DCAF4: variants seen among roughly 807,000 people sequenced by gnomAD.
The protein encoded by DCAF4 is DDB1- and CUL4-associated factor 4.
In DCAF4, 37 loss-of-function variants were observed where a neutral mutation model predicts 60.9. The observed-to-expected ratio is 0.61, with a 90% confidence interval of 0.47 to 0.80. DCAF4 has a LOEUF of 0.80. Ranked by LOEUF, DCAF4 falls within the 30% of genes least tolerant of loss-of-function variation. The pLI is 0.00. For missense variants in DCAF4, 577 were observed against 650.0 expected (o/e 0.89, Z 1.22); for synonymous variants, 243 against 254.8 (o/e 0.95, Z 0.44).
Position 72,937,955 on chromosome 14 carries a change from T to C in DCAF4, c.-8-16T>C, listed in dbSNP as rs190041374. On this transcript the variant is annotated splice_polypyrimidine_tract_variant and intron_variant, in intron 1 of 13. Transcript: ENST00000358377. Reference sequence around the variant, plus strand: ...ACACACAGAGATGTATGGATTTTTTTGTTTTTCTCTTTTAGGAACAGAAAT... The same window carrying C: ...ACACACAGAGATGTATGGATTTTTTCGTTTTTCTCTTTTAGGAACAGAAAT... 175 of 1,577,188 alleles carry C rather than the reference T, an allele frequency of 1.1e-4. No individual in the cohort carries two copies. Among genetic ancestry groups the C allele is most frequent in the Admixed American group, 1.0e-3 (51 of 50,364 alleles).
chr14:72,954,474 T>G lies in DCAF4; in HGVS notation c.996T>G (p.Phe332Leu). 1.2e-6 allele frequency: 2 copies of G among 1,614,214 alleles called. No homozygotes were observed. Among genetic ancestry groups the G allele is most frequent in the South Asian group, 2.2e-5 (2 of 91,084 alleles). The stretch of plus-strand genomic sequence containing the variant: ...ACAGTGATGTCTTGGCCCAGCAGTT[T>G]GCTCTCATGGTTGGTTGGATTGGGA... ...GTNSDVLAQQ[F>L]ALMAPLLFNG... The change falls in exon 11 of 14, where the codon TTT (phenylalanine) becomes TTG (leucine). Residue 332 changes from phenylalanine (F) to leucine (L), a missense_variant. Transcript: ENST00000358377.
chr14:72,961,895 T>G, downstream of DCAF4: 1 of 1,128,802 alleles, frequency 8.9e-7, no homozygotes, highest in Non-Finnish European at 1.1e-6. Context: ...GATGTCAAAC[T>G]GGTCAGTGGG....
chr14:72,958,914 T>TC lies in DCAF4; in HGVS notation c.*112dup, dbSNP rs1263243792. The stretch of plus-strand genomic sequence containing the variant: ...TTAAGTGACACTCAGTGTACACAGA[T>TC]CCCATCCTCTGGCTGCTAGGAGAGA... On this transcript the variant is annotated 3_prime_UTR_variant, in exon 14 of 14. Coordinates refer to ENST00000358377, the MANE Select transcript of DCAF4 (RefSeq NM_015604.4). 1.4e-6 allele frequency: 2 copies of TC among 1,433,738 alleles called. No individual in the cohort carries two copies. Among genetic ancestry groups the TC allele is most frequent in the African/African-American group, 2.9e-5 (2 of 69,090 alleles). 88.8% of individuals were successfully genotyped at this position (1,433,738 alleles called of 1,614,324 possible). A position where few individuals can be genotyped will look rare whatever the true frequency, so the allele number is the denominator to read the frequency against.
chr14:72,930,950 G>A (rs184902622), intron 1 of DCAF4, among the ~76,000 whole-genome samples: 1 of 152,224 alleles, frequency 6.6e-6, no homozygotes, highest in Non-Finnish European at 1.5e-5. Flanking sequence ...TGGTCTCAAT[G>A]CTACTCCATT....
chr14:72,952,229 C>T (rs550005030), intron 9 of DCAF4, among the ~76,000 whole-genome samples: 8 of 152,298 alleles, frequency 5.3e-5, no homozygotes, highest in East Asian at 3.9e-4. Context: ...TACGTTAAGG[C>T]AATTTGACTC....
rs754063009 is a variant in DCAF4, at chr14:72,938,039, C to G, written c.61C>G (p.Pro21Ala). The change falls in exon 2 of 14, where the codon CCT (proline) becomes GCT (alanine). Residue 21 changes from proline to alanine, a missense_variant. Coordinates refer to ENST00000358377, the MANE Select transcript of DCAF4 (RefSeq NM_015604.4). ...TGGGAGAAGAAGCCACCAGCAGAAC[C>G]CTTGGTTCAGACTCCGTGATTCTGA... ...RHGRRSHQQN[P>A]WFRLRDSEDR... is the part of the protein sequence containing the mutation. 6 of 1,610,500 alleles carry G rather than the reference C, an allele frequency of 3.7e-6. No individual in the cohort carries two copies. Among genetic ancestry groups the G allele is most frequent in the Admixed American group, 1.7e-5 (1 of 58,856 alleles).
intron 4 of DCAF4, 76 bp downstream of exon 4, chr14:72,940,453 C>T (rs1445417636): frequency 1.1e-5 from 16 of 1,463,912 alleles, no homozygotes; most frequent in Non-Finnish European, 1.5e-5. Context: ...GAAAAGGGTG[C>T]CAATTAGATG....
intron 6 of DCAF4, among the ~76,000 whole-genome samples, chr14:72,943,569 C>T (rs1489634328): frequency 6.6e-6 from 1 of 152,152 alleles, no homozygotes; most frequent in Non-Finnish European, 1.5e-5. Flanking sequence ...CATCAACACA[C>T]CTCCATTACA....
chr14:72,949,324 T>A (rs1378063091), intron 8 of DCAF4, among the ~76,000 whole-genome samples: 1 of 152,148 alleles, frequency 6.6e-6, no homozygotes, highest in East Asian at 1.9e-4. Flanking sequence ...AGCATCATGG[T>A]GCATGCCTTT....
At chr14:72,928,808 C>T (rs984829750) in intron 1 of DCAF4, among the ~76,000 whole-genome samples, 1 of 152,042 alleles carries the variant, frequency 6.6e-6, no homozygotes, top group Non-Finnish European at 1.5e-5. Flanking sequence ...CAGTCCAGGC[C>T]CCCTAACCAT....
chr14:72,942,813 C>A, intron 5 of DCAF4, 181 bp from the exon 6 acceptor site: 1 of 597,242 alleles, frequency 1.7e-6, no homozygotes. Context: ...CCTGAGCGTT[C>A]TGTGGGGAAA....
At chr14:72,950,243 C>T (rs78555598) in intron 8 of DCAF4, among the ~76,000 whole-genome samples, 2,448 of 152,070 alleles carry the variant, frequency 0.016, 55 homozygotes, top group East Asian at 0.049. Flanking sequence ...AGACTAAGGG[C>T]GGTGGTGAGG....
chr14:72,928,007 C>T (rs1436106475), intron 1 of DCAF4, among the ~76,000 whole-genome samples: 2 of 151,494 alleles, frequency 1.3e-5, no homozygotes. Context: ...CACTATGTTG[C>T]CCAGGCTGGT....
intron 1 of DCAF4, among the ~76,000 whole-genome samples, chr14:72,935,671 A>G (rs1889172834): frequency 6.6e-6 from 1 of 152,200 alleles, no homozygotes; most frequent in South Asian, 2.1e-4. Context: ...CCTGGCCCAA[A>G]TTGGCATTCG....
At chr14:72,950,405 A>G (rs949816671) in intron 8 of DCAF4, among the ~76,000 whole-genome samples, 6 of 152,188 alleles carry the variant, frequency 3.9e-5, no homozygotes, top group Admixed American at 2.6e-4. Context: ...ATTGGGCTAC[A>G]TGGCCATAGG....
chr14:72,952,206 T>G (rs80263818), intron 9 of DCAF4, among the ~76,000 whole-genome samples: 5,375 of 152,302 alleles, frequency 0.035, 302 homozygotes, highest in African/African-American at 0.12. Context: ...TCAGGGATAC[T>G]TAACAGTCTG....
intron 8 of DCAF4, among the ~76,000 whole-genome samples, chr14:72,947,693 G>A (rs1890918212): frequency 6.6e-6 from 1 of 152,202 alleles, no homozygotes. Context: ...GGAGAGCAGG[G>A]TCCTCCTAGG....
In DCAF4 at chr14:72,940,733, G is replaced by T. The variant is rs370570965; in HGVS notation, c.351+356G>T. 7.9e-5 allele frequency among the ~76,000 whole-genome samples: 12 copies of T among 151,746 alleles called. No individual in the cohort carries two copies. The East Asian group carries it at 9.8e-4, about 12-fold the overall frequency. On this transcript the variant is annotated intron_variant, in intron 4 of 13. Transcript: ENST00000358377. The stretch of plus-strand genomic sequence containing the variant: ...AGCCTCCTGAGTAGCTGGGACTACA[G>T]GCACGTGCCACCATGCCCAGCTAAT...
chr14:72,929,690 G>A, intron 1 of DCAF4: 3 of 1,312,358 alleles, frequency 2.3e-6, no homozygotes, highest in East Asian at 2.3e-5. Flanking sequence ...TGGCACGGAT[G>A]TGCGTCCCCA....
Sources: gnomAD v4.1 joint callset for allele counts (sites outside exome capture counted in the v4.1 genomes callset) on GRCh38, gnomAD v4.1.1 for gene constraint, MANE v1.5 for transcripts, NCBI Gene and HGNC (gene_info 2026-07-23, HGNC 2026-07-21) for gene names.